Variants in MYO15B observed in about 807,000 individuals in gnomAD.
MYO15B encodes the protein myosin XVB.
In MYO15B, 207 loss-of-function variants were observed where a neutral mutation model predicts 119.3. That is an observed-to-expected ratio of 1.73 (90% CI 1.55 to 1.95). MYO15B has a LOEUF of 1.95. Ranked by LOEUF, MYO15B falls within the 30% of genes most tolerant of loss-of-function variation. The pLI, the probability that MYO15B is intolerant of heterozygous loss-of-function variation, is 0.00. For missense variants in MYO15B, 2,264 were observed against 1,203.1 expected, an observed-to-expected ratio of 1.88 and a Z score of -13.04; for synonymous variants, 966 against 498.9, an observed-to-expected ratio of 1.94 and a Z score of -12.48.
At chr17:75,599,918 A>G (rs1478959267) in intron 14 of MYO15B, among the ~76,000 whole-genome samples, 2 of 151,000 alleles carry the variant, frequency 1.3e-5, no homozygotes, top group East Asian at 2.0e-4. Flanking sequence ...AATAATAATA[A>G]TAATGAAATA....
At chr17:75,613,041 T>G (rs1416087006) in exon 27 of MYO15B, 1 of 700,574 alleles carries the variant, frequency 1.4e-6, no homozygotes, top group Non-Finnish European at 2.6e-6. Flanking sequence ...GCATACCTGG[T>G]GCGGCAGGGG....
At position 75,605,149 on chromosome 17, in the gene MYO15B, C is replaced by A. The variant is rs1012081016; in HGVS notation, c.4017-355C>A. Among the ~76,000 whole-genome samples the A allele has an allele frequency of 1.2e-3, 180 of 145,186 alleles. 1 individual carries two copies. Among genetic ancestry groups the A allele is most frequent in the African/African-American group, 4.3e-3 (170 of 39,128 alleles). On this transcript the variant is annotated intron_variant, in intron 19 of 63. Transcript: ENST00000645453. ...TGAAACTCTGTCTCAAAAAAAAAAA[C>A]CAAAAAGGCCGGGCGCAGTGGCTCA... is the stretch of plus-strand genomic sequence containing the variant.
At position 75,590,906 on chromosome 17, in the gene MYO15B, G is replaced by C; in HGVS notation, c.2251-1G>C. 1 of 469,732 alleles carries C rather than the reference G, an allele frequency of 2.1e-6. No individual in the cohort carries two copies. Among genetic ancestry groups the C allele is most frequent in the Non-Finnish European group, 3.9e-6 (1 of 256,120 alleles). 29.1% of individuals were successfully genotyped at this position (469,732 alleles called of 1,614,324 possible). ...TGATGAGAGCTTGTTTTCCTCCCCAGACCTTTGGGGGGCCTGTCTTGCTTG... is the reference window on the plus strand; with the variant it reads ...TGATGAGAGCTTGTTTTCCTCCCCACACCTTTGGGGGGCCTGTCTTGCTTG... On this transcript the variant is annotated splice_acceptor_variant, in intron 2 of 63. Transcript: ENST00000645453. LOFTEE classifies it high-confidence loss of function.
intron 16 of MYO15B, 108 bp downstream of exon 16, chr17:75,602,702 C>A: frequency 1.6e-6 from 1 of 607,896 alleles, no homozygotes; most frequent in Non-Finnish European, 2.9e-6. Context: ...AAGTCCCTGG[C>A]ACCTTGGGCC....
intron 8 of MYO15B, 50 bp from the exon 9 acceptor site, chr17:75,592,629 A>G (rs564633192): frequency 1.4e-4 from 90 of 660,594 alleles, no homozygotes; most frequent in African/African-American, 1.3e-3. Flanking sequence ...GAGTAGAGGG[A>G]GGCTATGGGG....
chr17:75,619,414 C>G, exon 45 of MYO15B: 3 of 702,734 alleles, frequency 4.3e-6, no homozygotes, highest in Non-Finnish European at 7.8e-6. Flanking sequence ...CGTCAAGAAG[C>G]GCATCGTGGT....
intron 21 of MYO15B, among the ~76,000 whole-genome samples, chr17:75,606,744 A>G (rs544286030): frequency 1.1e-3 from 165 of 152,280 alleles, no homozygotes; most frequent in African/African-American, 3.6e-3. Flanking sequence ...AAATGCTGGG[A>G]TTACAGGTGT....
chr17:75,588,198 G>A, exon 1 of MYO15B: 1 of 398,010 alleles, frequency 2.5e-6, no homozygotes, highest in Non-Finnish European at 4.4e-6. Context: ...AGGCGGACAG[G>A]GCGAAACCGG....
intron 49 of MYO15B, 77 bp from the exon 50 acceptor site, chr17:75,620,954 G>GAGGGAT: frequency 1.4e-6 from 1 of 702,710 alleles, no homozygotes; most frequent in South Asian, 1.5e-5. Context: ...TCTGGCTGGG[G>GAGGGAT]AGGGATGGGG....
exon 48 of MYO15B, chr17:75,620,287 C>G: frequency 1.4e-6 from 1 of 703,048 alleles, no homozygotes; most frequent in African/African-American, 1.7e-5. Flanking sequence ...ACATCACTGA[C>G]AACTGCAGCC....
chr17:75,611,288 C>T lies in MYO15B; in HGVS notation c.4447-313C>T, dbSNP rs192793009. On this transcript the variant is annotated intron_variant, in intron 23 of 63. Transcript: ENST00000645453. ...ACCAGCCTGGGCAACATGACAAGAC[C>T]CCATCTCTACAAAAACAATAAAAAT... Among the ~76,000 whole-genome samples, 267 of 151,862 alleles carry T rather than the reference C, an allele frequency of 1.8e-3. 1 individual carries two copies. Among genetic ancestry groups the T allele is most frequent in the African/African-American group, 5.3e-3 (220 of 41,372 alleles).
exon 9 of MYO15B, chr17:75,592,693 G>C: frequency 1.4e-6 from 1 of 701,192 alleles, no homozygotes; most frequent in Non-Finnish European, 2.6e-6. Flanking sequence ...AGGCCTGCAG[G>C]CTGCAAGGCA....
intron 21 of MYO15B, chr17:75,607,159 A>G: frequency 2.6e-6 from 1 of 390,328 alleles, no homozygotes; most frequent in Non-Finnish European, 4.5e-6. Context: ...AGGCATCTCC[A>G]CTATCTATTT....
At chr17:75,608,110 T>C (rs573871496) in intron 21 of MYO15B, among the ~76,000 whole-genome samples, 1 of 152,308 alleles carries the variant, frequency 6.6e-6, no homozygotes, top group Non-Finnish European at 1.5e-5. Context: ...TGCCCGTTTT[T>C]AGTTTTTAAT....
rs2056335855 is a variant in MYO15B, at chr17:75,590,028, ACT to A, written c.1975_1976del (p.Ser659LeufsTer26). 2.5e-6 allele frequency: 1 copy of A among 398,128 alleles called. No individual in the cohort carries two copies. Among genetic ancestry groups the A allele is most frequent in the Non-Finnish European group, 4.4e-6 (1 of 225,872 alleles). 24.7% of individuals were successfully genotyped at this position (398,128 alleles called of 1,614,324 possible). A position where few individuals can be genotyped will look rare whatever the true frequency, so the allele number is the denominator to read the frequency against. On this transcript the variant is annotated frameshift_variant, in exon 1 of 64. Transcript: ENST00000645453. LOFTEE classifies it high-confidence loss of function. ...TTGGCGCCGCCGTGCTGCTACCCCGACTCTCCTTGGAGACCCGCCTGCAGCAG... is the reference window on the plus strand; with the variant it reads ...TTGGCGCCGCCGTGCTGCTACCCCGACTCCTTGGAGACCCGCCTGCAGCAG...
At chr17:75,616,179 G>C in intron 37 of MYO15B, 32 bp downstream of exon 37, 1 of 573,170 alleles carries the variant, frequency 1.7e-6, no homozygotes, top group South Asian at 2.3e-5. Flanking sequence ...GGACCGTGCA[G>C]AAACATGGCC....
intron 21 of MYO15B, among the ~76,000 whole-genome samples, chr17:75,609,856 G>A (rs1446279767): frequency 6.6e-6 from 1 of 151,738 alleles, no homozygotes; most frequent in Admixed American, 6.6e-5. Context: ...CAGGTGTGCT[G>A]TAATTTTTGT....
intron 21 of MYO15B, among the ~76,000 whole-genome samples, chr17:75,606,653 A>G (rs1323162437): frequency 6.6e-6 from 1 of 151,748 alleles, no homozygotes; most frequent in Non-Finnish European, 1.5e-5. Context: ...TTGTATTTTT[A>G]GTAGAGACGG....
intron 53 of MYO15B, among the ~76,000 whole-genome samples, chr17:75,622,658 G>C (rs1434970997): frequency 6.6e-6 from 1 of 152,210 alleles, no homozygotes; most frequent in Non-Finnish European, 1.5e-5. Flanking sequence ...GGGTGTCTAA[G>C]TTTAAAAGCA....
Sources: gnomAD v4.1 joint callset for allele counts (sites outside exome capture counted in the v4.1 genomes callset) on GRCh38, gnomAD v4.1.1 for gene constraint, MANE v1.5 for transcripts, NCBI Gene and HGNC (gene_info 2026-07-23, HGNC 2026-07-21) for gene names.